The following ZNF30 variants were observed in gnomAD, a reference collection of about 807,000 sequenced individuals.
ZNF30 encodes zinc finger protein 30 (KOX 28).
In ZNF30, 15 loss-of-function variants were observed where a neutral mutation model predicts 13.2. That is an observed-to-expected ratio of 1.13 (90% confidence interval 0.76 to 1.75). ZNF30 has a LOEUF of 1.75. Ranked by LOEUF, ZNF30 falls within the 40% of genes most tolerant of loss-of-function variation. The pLI, the probability that ZNF30 is intolerant of heterozygous loss-of-function variation, is 0.00. For missense variants in ZNF30, 726 were observed against 757.0 expected (o/e 0.96, Z 0.48); for synonymous variants, 223 against 256.6 (o/e 0.87, Z 1.25).
At position 34,929,866 on chromosome 19, in the gene ZNF30, C is replaced by A; in HGVS notation, c.-64-18C>A. On this transcript the variant is annotated intron_variant, in intron 1 of 4. Coordinates refer to ENST00000601142, the MANE Select transcript of ZNF30 (RefSeq NM_194325.3). ...TGAGAACACTAAAGCCTCCTTTTCT[C>A]CTCTCTGGATTTTCTAGCTTTTGAA... The A allele has an allele frequency of 7.5e-7, 1 of 1,336,810 alleles. No homozygotes were observed. The highest frequency in any genetic ancestry group is 2.4e-5 in the East Asian group (1 of 41,706). The allele number at this position is 1,336,810 out of a possible 1,614,324, so 82.8% of individuals were successfully genotyped here. A position where few individuals can be genotyped will look rare whatever the true frequency, so the allele number is the denominator to read the frequency against.
intron 1 of ZNF30, 97 bp downstream of exon 1, chr19:34,927,313 G>A (rs1051765468): frequency 4.3e-5 from 14 of 324,052 alleles, no homozygotes; most frequent in Non-Finnish European, 5.6e-5. Flanking sequence ...GTGCATCCGC[G>A]AAGACTGGGT....
At chr19:34,938,848 G>A (rs924214512) in intron 4 of ZNF30, among the ~76,000 whole-genome samples, 1 of 152,120 alleles carries the variant, frequency 6.6e-6, no homozygotes, top group Admixed American at 6.5e-5. Flanking sequence ...AGTAGTTCAC[G>A]CAGGATACAC....
chr19:34,926,597 T>G (rs1045226705), upstream of ZNF30: 1 of 174,814 alleles, frequency 5.7e-6, no homozygotes, highest in Non-Finnish European at 1.2e-5. Context: ...TAATAGCATT[T>G]CTGTAGCGAA....
intron 4 of ZNF30, among the ~76,000 whole-genome samples, chr19:34,941,307 C>G (rs929412518): frequency 6.6e-6 from 1 of 152,190 alleles, no homozygotes; most frequent in Non-Finnish European, 1.5e-5. Context: ...CTCTGTTGCC[C>G]AGGCTGGAGT....
chr19:34,929,388 C>A (rs1032115095), intron 1 of ZNF30, among the ~76,000 whole-genome samples: 1 of 152,222 alleles, frequency 6.6e-6, no homozygotes, highest in African/African-American at 2.4e-5. Context: ...AGGACAACCA[C>A]ATGTTGGAGC....
intron 4 of ZNF30, among the ~76,000 whole-genome samples, chr19:34,937,440 A>G (rs2012801143): frequency 6.6e-6 from 1 of 152,172 alleles, no homozygotes; most frequent in East Asian, 1.9e-4. Flanking sequence ...GTTTCAAGAT[A>G]GAAGAGTAGG....
In ZNF30 at chr19:34,944,344, G is replaced by A. The variant is rs2013219909; in HGVS notation, c.1378G>A (p.Glu460Lys). The A allele has an allele frequency of 3.1e-6, 5 of 1,614,170 alleles. No individual in the cohort carries two copies. Among genetic ancestry groups the A allele is most frequent in the Non-Finnish European group, 3.4e-6 (4 of 1,180,026 alleles). Residue 460 changes from glutamate to lysine, a missense_variant, in exon 5 of 5, where the codon GAA becomes AAA. Glu to Lys is a moderately conservative substitution (Grantham distance 56, BLOSUM62 1). Coordinates refer to ENST00000601142, the MANE Select transcript of ZNF30 (RefSeq NM_194325.3). ...TGGAGAGAAACCCTATGAGTGTAAG[G>A]AATGTGGCAAGGCCTTCAGAGTGCA... is the stretch of plus-strand genomic sequence containing the variant. ...HTGEKPYECK[E>K]CGKAFRVHVH...
In ZNF30 at chr19:34,927,109, G is replaced by C; in HGVS notation, c.-172G>C. Reference sequence around the variant, plus strand: ...TCATCGAGGGAGAAGTCAGCGCCCAGCTCCGAGGTTGGAGCAGCCCCGCCG... The same window carrying C: ...TCATCGAGGGAGAAGTCAGCGCCCACCTCCGAGGTTGGAGCAGCCCCGCCG... On this transcript the variant is annotated 5_prime_UTR_variant, in exon 1 of 5. Transcript: ENST00000601142. 1 of 397,964 alleles carries C rather than the reference G, an allele frequency of 2.5e-6. No individual in the cohort carries two copies. Among genetic ancestry groups the C allele is most frequent in the Non-Finnish European group, 4.4e-6 (1 of 225,708 alleles). The allele number at this position is 397,964 out of a possible 1,614,324, so 24.7% of individuals were successfully genotyped here. A position where few individuals can be genotyped will look rare whatever the true frequency, so the allele number is the denominator to read the frequency against.
At chr19:34,933,873 A>G in intron 4 of ZNF30, 150 bp downstream of exon 4, 1 of 561,806 alleles carries the variant, frequency 1.8e-6, no homozygotes, top group Middle Eastern at 4.1e-4. Flanking sequence ...TAAGAAATAA[A>G]TATCTCACCA....
At position 34,944,476 on chromosome 19, in the gene ZNF30, A is replaced by G. The variant is rs746497339; in HGVS notation, c.1510A>G (p.Arg504Gly). 8 of 1,613,828 alleles carry G rather than the reference A, an allele frequency of 5.0e-6. No individual in the cohort carries two copies. In the East Asian group the frequency reaches 1.3e-4, roughly 27 times the overall value. Residue 504 changes from arginine to glycine, a missense_variant, in exon 5 of 5, where the codon AGA becomes GGA. Physicochemically the swap from Arg to Gly is moderately radical, Grantham distance 125. Coordinates refer to ENST00000601142, the MANE Select transcript of ZNF30 (RefSeq NM_194325.3). Reference sequence around the variant, plus strand: ...AGCCTCGTACCTTGTACAACATAGCAGAATCCATACTGGTAAGAAGCCCTA... The same window carrying G: ...AGCCTCGTACCTTGTACAACATAGCGGAATCCATACTGGTAAGAAGCCCTA... ...SRASYLVQHSRIHTGKKPYEC... is the reference protein window; with the variant it reads ...SRASYLVQHSGIHTGKKPYEC...
upstream of ZNF30, among the ~76,000 whole-genome samples, chr19:34,926,443 T>G (rs925575522): frequency 6.6e-6 from 1 of 152,184 alleles, no homozygotes; most frequent in Admixed American, 6.5e-5. Flanking sequence ...TTAAAAGGTC[T>G]TACATTTAGC....
intron 4 of ZNF30, among the ~76,000 whole-genome samples, chr19:34,935,721 T>C (rs2012700147): frequency 6.7e-6 from 1 of 150,212 alleles, no homozygotes; most frequent in South Asian, 2.1e-4. Context: ...TTTTTTTTTT[T>C]TTTTACAGTT....
upstream of ZNF30, chr19:34,926,868 G>T (rs2012095401): frequency 5.0e-6 from 2 of 397,612 alleles, no homozygotes; most frequent in South Asian, 1.3e-4. Flanking sequence ...AGCCGGACGG[G>T]AGCGCCCAGA....
intron 1 of ZNF30, among the ~76,000 whole-genome samples, chr19:34,928,977 A>G (rs1202730751): frequency 6.6e-6 from 1 of 151,762 alleles, no homozygotes; most frequent in Non-Finnish European, 1.5e-5. Flanking sequence ...GATAAGAGGG[A>G]GCTACCATAG....
chr19:34,942,999 A>T (rs2013121858), intron 4 of ZNF30, among the ~76,000 whole-genome samples: 2 of 151,998 alleles, frequency 1.3e-5, no homozygotes, highest in Admixed American at 1.3e-4. Context: ...AAAGATTATT[A>T]TCCACACCTA....
At chr19:34,927,313 G>C in intron 1 of ZNF30, 97 bp downstream of exon 1, 1 of 324,170 alleles carries the variant, frequency 3.1e-6, no homozygotes. Flanking sequence ...GTGCATCCGC[G>C]AAGACTGGGT....
chr19:34,932,101 A>G, intron 3 of ZNF30, 108 bp downstream of exon 3: 1 of 1,060,408 alleles, frequency 9.4e-7, no homozygotes, highest in South Asian at 2.6e-5. Flanking sequence ...TCTTGTTGCC[A>G]GAGAAATGAT....
rs769866341 is a variant in ZNF30, at chr19:34,944,507, G to C, written c.1541G>C (p.Cys514Ser). The C allele has an allele frequency of 1.9e-6, 3 of 1,614,030 alleles. No individual in the cohort carries two copies. In the South Asian group the frequency reaches 3.3e-5, roughly 18 times the overall value. ...RIHTGKKPYE[C>S]KECGKAFSSG... is the part of the protein sequence containing the mutation. Reference sequence around the variant, plus strand: ...CATACTGGTAAGAAGCCCTATGAGTGTAAGGAGTGTGGCAAGGCCTTCAGT... The same window carrying C: ...CATACTGGTAAGAAGCCCTATGAGTCTAAGGAGTGTGGCAAGGCCTTCAGT... The change falls in exon 5 of 5, where the codon TGT becomes TCT. Residue 514 changes from cysteine to serine, a missense_variant. Physicochemically the swap from Cys to Ser is moderately radical, Grantham distance 112. Transcript: ENST00000601142.
rs1237341190 is a variant in ZNF30, at chr19:34,926,932, G to A, written c.-349G>A. On this transcript the variant is annotated 5_prime_UTR_variant, in exon 1 of 5. It adds an upstream start codon to the 5' untranslated region. Transcript: ENST00000601142. The stretch of plus-strand genomic sequence containing the variant: ...TGGACTGCGCCGGGCATGCTCGGCG[G>A]TGTGACGGCTCAGGACTGCATTTCC... The A allele has an allele frequency of 5.0e-6, 2 of 398,384 alleles. No homozygotes were observed. Among genetic ancestry groups the A allele is most frequent in the Non-Finnish European group, 8.9e-6 (2 of 225,978 alleles). The allele number at this position is 398,384 out of a possible 1,614,324, so 24.7% of individuals were successfully genotyped here.
Sources: allele counts gnomAD v4.1 joint callset (sites outside exome capture counted in the v4.1 genomes callset), GRCh38; gene constraint gnomAD v4.1.1; transcripts MANE v1.5; gene names NCBI Gene and HGNC (gene_info 2026-07-23, HGNC 2026-07-21).